DOCK3: variants seen among roughly 807,000 people sequenced by gnomAD.
DOCK3 encodes the protein dedicator of cytokinesis protein 3.
A neutral mutation model predicts 265.6 loss-of-function variants in DOCK3; 60 were observed. The observed-to-expected ratio is 0.23, with a 90% CI of 0.18 to 0.28. DOCK3 has a LOEUF of 0.28. DOCK3 is among the 10% of genes least tolerant of loss of function. DOCK3 has a pLI of 1.00. For synonymous variants in DOCK3, 881 were observed against 938.0 expected (o/e 0.94, Z 1.11); for missense variants, 1,981 against 2,594.3 (o/e 0.76, Z 5.14).
chr3:51,068,263 G>A (rs533509919), intron 6 of DOCK3, among the ~76,000 whole-genome samples: 9 of 152,180 alleles, frequency 5.9e-5, no homozygotes, highest in South Asian at 2.1e-4. Flanking sequence ...TGCCTTGGCC[G>A]GGCGCGGTGG....
chr3:50,754,558 CTTT>C (rs541191723), intron 1 of DOCK3, among the ~76,000 whole-genome samples: 7 of 136,654 alleles, frequency 5.1e-5, no homozygotes, highest in Non-Finnish European at 3.2e-5. Flanking sequence ...GTTTTAACAA[CTTT>C]TTTTTTTTTT....
In DOCK3 at chr3:50,911,414, G is replaced by A. The variant is rs6446236; in HGVS notation, c.218+21333G>A. Among the ~76,000 whole-genome samples the A allele has an allele frequency of 3.3e-3, 495 of 152,170 alleles. 13 individuals are homozygous for A. The highest frequency in any genetic ancestry group is 0.011 in the African/African-American group (452 of 41,468). ...CCTAGCACCATTGATTGAATATACT[G>A]TCCTTTCTCCAATGTATGTTTTTGC... On this transcript the variant is annotated intron_variant, in intron 4 of 52. Coordinates refer to ENST00000266037, the MANE Select transcript of DOCK3 (RefSeq NM_004947.5).
chr3:50,920,659 C>A (rs1221740169), intron 4 of DOCK3, among the ~76,000 whole-genome samples: 1 of 152,090 alleles, frequency 6.6e-6, no homozygotes, highest in East Asian at 1.9e-4. Context: ...ATTAGTCTTG[C>A]TAACGGTCTG....
At chr3:51,020,918 G>A (rs1470980203) in intron 5 of DOCK3, among the ~76,000 whole-genome samples, 2 of 151,774 alleles carry the variant, frequency 1.3e-5, no homozygotes, top group African/African-American at 4.9e-5. Flanking sequence ...CTGCAGCTTT[G>A]TTCTTTTTGC....
chr3:51,062,652 A>G (rs1406845321), intron 5 of DOCK3, among the ~76,000 whole-genome samples: 2 of 152,218 alleles, frequency 1.3e-5, no homozygotes, highest in African/African-American at 2.4e-5. Context: ...TTTGATCACA[A>G]CAAAGTGTTA....
At chr3:51,240,606 C>G (rs757356028) in intron 21 of DOCK3, among the ~76,000 whole-genome samples, 3 of 152,190 alleles carry the variant, frequency 2.0e-5, no homozygotes, top group Non-Finnish European at 4.4e-5. Flanking sequence ...CTTTATGAAT[C>G]TAGGTGCTCC....
intron 12 of DOCK3, among the ~76,000 whole-genome samples, chr3:51,166,068 G>A (rs1038881677): frequency 3.5e-5 from 2 of 56,490 alleles, no homozygotes; most frequent in African/African-American, 7.4e-5. Flanking sequence ...TTTTTTTTTT[G>A]AGACAGAGTC....
At position 51,027,193 on chromosome 3, in the gene DOCK3, T is replaced by C. The variant is rs2079859113; in HGVS notation, c.316-37255T>C. ...ATAATTTTTTTTTGTTTCTGCCTAA[T>C]TTTGTTTTTTACGCAAAAGTTGTCC... On this transcript the variant is annotated intron_variant, in intron 5 of 52. Coordinates refer to ENST00000266037, the MANE Select transcript of DOCK3 (RefSeq NM_004947.5). 3.3e-5 allele frequency among the ~76,000 whole-genome samples: 5 copies of C among 152,302 alleles called. No individual in the cohort carries two copies. In the Middle Eastern group the frequency reaches 0.017, roughly 518 times the overall value.
chr3:51,175,389 A>G (rs1255652430), intron 12 of DOCK3, among the ~76,000 whole-genome samples: 1 of 152,190 alleles, frequency 6.6e-6, no homozygotes, highest in Non-Finnish European at 1.5e-5. Flanking sequence ...GATCTGGGTT[A>G]CAGGGCCATT....
chr3:51,054,144 AAAG>A (rs1354435013), intron 5 of DOCK3, among the ~76,000 whole-genome samples: 12 of 151,428 alleles, frequency 7.9e-5, no homozygotes, highest in South Asian at 4.1e-4. Context: ...AAAAAAAAAA[AAAG>A]AGTTTGTGGG....
intron 27 of DOCK3, among the ~76,000 whole-genome samples, chr3:51,286,634 G>A (rs1259998093): frequency 2.6e-5 from 4 of 152,010 alleles, no homozygotes; most frequent in South Asian, 4.1e-4. Flanking sequence ...TAGACCAAAG[G>A]AACAGAATAC....
chr3:51,069,620 T>C (rs919985880), intron 6 of DOCK3, among the ~76,000 whole-genome samples: 1 of 151,942 alleles, frequency 6.6e-6, no homozygotes, highest in African/African-American at 2.4e-5. Context: ...CTGGTTCTTT[T>C]ATTCTTTCTT....
chr3:50,936,960 C>T (rs2051397677), intron 5 of DOCK3, among the ~76,000 whole-genome samples: 1 of 152,108 alleles, frequency 6.6e-6, no homozygotes. Flanking sequence ...ATACAGTTCT[C>T]AGTGTATGTT....
chr3:51,246,944 C>G (rs2078869429), intron 22 of DOCK3, 137 bp downstream of exon 22: 1 of 832,884 alleles, frequency 1.2e-6, no homozygotes, highest in Non-Finnish European at 1.9e-6. Context: ...TCTTGATCCA[C>G]ATAATTTCTC....
chr3:51,300,003 C>A (rs577551521), intron 27 of DOCK3, among the ~76,000 whole-genome samples: 311 of 152,200 alleles, frequency 2.0e-3, no homozygotes, highest in Non-Finnish European at 3.5e-3. Context: ...TTACTTTGGG[C>A]AGTATGGCCA....
intron 12 of DOCK3, among the ~76,000 whole-genome samples, chr3:51,164,395 G>A (rs186258547): frequency 0.024 from 3,703 of 152,212 alleles, 177 homozygotes; most frequent in African/African-American, 0.085. Flanking sequence ...GGCTGAGGCA[G>A]GCGGATCATG....
intron 9 of DOCK3, among the ~76,000 whole-genome samples, chr3:51,123,988 T>A (rs936056622): frequency 2.0e-5 from 3 of 152,178 alleles, no homozygotes; most frequent in Admixed American, 6.5e-5. Context: ...ACCATGAGCG[T>A]GTAGACCACA....
intron 2 of DOCK3, chr3:50,786,971 GC>G: frequency 1.3e-6 from 1 of 742,032 alleles, no homozygotes; most frequent in Non-Finnish European, 2.5e-6. Flanking sequence ...TTTCATGTGT[GC>G]AACCATGTGT....
At chr3:50,907,251 G>A (rs1394039148) in intron 4 of DOCK3, among the ~76,000 whole-genome samples, 2 of 152,016 alleles carry the variant, frequency 1.3e-5, no homozygotes, top group African/African-American at 2.4e-5. Context: ...TGGAGAGTTC[G>A]TTAGATGTCT....
Sources: allele counts gnomAD v4.1 joint callset (sites outside exome capture counted in the v4.1 genomes callset), GRCh38; gene constraint gnomAD v4.1.1; transcripts MANE v1.5; gene names NCBI Gene and HGNC (gene_info 2026-07-23, HGNC 2026-07-21).